TEKT5: variants seen among roughly 807,000 people sequenced by gnomAD.
TEKT5 encodes tektin-5.
A neutral mutation model predicts 48.7 loss-of-function variants in TEKT5; 52 were observed. The observed-to-expected ratio is 1.07, with a 90% CI of 0.86 to 1.35. The LOEUF is 1.35. Ranked by LOEUF, TEKT5 falls within the 40% of genes most tolerant of loss-of-function variation. The pLI is 0.00. For synonymous variants in TEKT5, 318 were observed against 267.6 expected, an observed-to-expected ratio of 1.19 and a Z score of -1.84; for missense variants, 831 against 641.6, an observed-to-expected ratio of 1.30 and a Z score of -3.19.
chr16:10,682,217 C>T, intron 3 of TEKT5, 81 bp from the exon 4 acceptor site: 2 of 1,522,690 alleles, frequency 1.3e-6, no homozygotes, highest in Admixed American at 3.7e-5. Context: ...GTGTGTGTTG[C>T]AAGCCCTGGA....
chr16:10,688,233 A>AC (rs1223849350), intron 3 of TEKT5, among the ~76,000 whole-genome samples: 3 of 151,900 alleles, frequency 2.0e-5, no homozygotes, highest in African/African-American at 7.3e-5. Context: ...GTACACCTCC[A>AC]CCCCGATGTC....
intron 4 of TEKT5, among the ~76,000 whole-genome samples, chr16:10,676,591 C>T (rs1443581127): frequency 6.6e-6 from 1 of 152,142 alleles, no homozygotes; most frequent in Non-Finnish European, 1.5e-5. Context: ...ACACCCACAC[C>T]ACCACCACCA....
At position 10,676,114 on chromosome 16, in the gene TEKT5, C is replaced by G. The variant is rs1451582410; in HGVS notation, c.931G>C (p.Ala311Pro). Reference protein sequence around the residue: ...DNIKHSQNMRANSIQLREEAE... With the variant: ...DNIKHSQNMRPNSIQLREEAE... ...TCCTCCCGCAGCTGGATGGAGTTGG[C>G]CCGCATGTTCTGAGAGTGTTTGATG... The change falls in exon 5 of 7, where the codon GCC (alanine) becomes CCC (proline). Residue 311 changes from alanine to proline, a missense_variant. Physicochemically the swap from Ala to Pro is conservative, Grantham distance 27 (BLOSUM62 -1). Coordinates refer to ENST00000283025, the MANE Select transcript of TEKT5 (RefSeq NM_144674.2). The G allele has an allele frequency of 6.2e-7, 1 of 1,614,194 alleles. No individual in the cohort carries two copies. The highest frequency in any genetic ancestry group is 8.5e-7 in the Non-Finnish European group (1 of 1,180,034).
chr16:10,645,169 G>A (rs1364278509), intron 5 of TEKT5, among the ~76,000 whole-genome samples: 1 of 152,138 alleles, frequency 6.6e-6, no homozygotes, highest in Non-Finnish European at 1.5e-5. Context: ...ATGAATGCAA[G>A]GAGGCAAGCC....
At chr16:10,677,265 A>C (rs1898663689) in intron 4 of TEKT5, among the ~76,000 whole-genome samples, 1 of 98,742 alleles carries the variant, frequency 1.0e-5, no homozygotes, top group Non-Finnish European at 1.9e-5. Flanking sequence ...AGGGTTGTAA[A>C]CGGGAATAGA....
intron 4 of TEKT5, among the ~76,000 whole-genome samples, chr16:10,676,560 C>T (rs1044554467): frequency 2.0e-5 from 3 of 152,088 alleles, no homozygotes; most frequent in Non-Finnish European, 4.4e-5. Context: ...GAGGGGCTCC[C>T]GCAGAGAGCT....
Position 10,673,793 on chromosome 16 carries a change from G to C in TEKT5, c.1086+2166C>G, listed in dbSNP as rs145992344. On this transcript the variant is annotated intron_variant, in intron 5 of 6. Transcript: ENST00000283025. Reference sequence around the variant, plus strand: ...AGCCTCCCGAGTAGCTGGAATTACAGGTGCATGCCACTATGCCCAGCTGAT... The same window carrying C: ...AGCCTCCCGAGTAGCTGGAATTACACGTGCATGCCACTATGCCCAGCTGAT... Among the ~76,000 whole-genome samples the C allele has an allele frequency of 3.5e-4, 53 of 151,832 alleles. 1 individual carries two copies. In the East Asian group the frequency reaches 8.3e-3, roughly 24 times the overall value.
intron 5 of TEKT5, among the ~76,000 whole-genome samples, chr16:10,655,699 T>C (rs964487049): frequency 1.3e-5 from 2 of 152,208 alleles, no homozygotes; most frequent in Non-Finnish European, 2.9e-5. Context: ...GGGGTGGTTG[T>C]ACCCTTCTCT....
chr16:10,680,366 C>T (rs1223042086), intron 4 of TEKT5, among the ~76,000 whole-genome samples: 1 of 152,110 alleles, frequency 6.6e-6, no homozygotes, highest in Non-Finnish European at 1.5e-5. Flanking sequence ...TGTGGTTCTT[C>T]TTTCCCTCCC....
Position 10,694,347 on chromosome 16 carries a change from A to C in TEKT5, c.527T>G (p.Leu176Arg). 1 of 1,611,588 alleles carries C rather than the reference A, an allele frequency of 6.2e-7. No individual in the cohort carries two copies. Among genetic ancestry groups the C allele is most frequent in the Middle Eastern group, 1.7e-4 (1 of 6,044 alleles). Reference protein sequence around the residue: ...NQNLETVKRRLECAANEVNCP... With the variant: ...NQNLETVKRRRECAANEVNCP... ...GTTCACCTCATTGGCCGCGCACTCC[A>C]GCCGCCTCTTGACCGTCTCCAAGTT... Residue 176 changes from leucine (L) to arginine (R), a missense_variant, in exon 1 of 7, where the codon CTG becomes CGG. Leu to Arg is a moderately radical substitution (Grantham distance 102). Transcript: ENST00000283025.
intron 5 of TEKT5, among the ~76,000 whole-genome samples, chr16:10,671,354 G>A (rs1462700716): frequency 6.6e-6 from 1 of 152,186 alleles, no homozygotes; most frequent in Non-Finnish European, 1.5e-5. Context: ...ATTAAAAGAA[G>A]ATGCACAAGA....
At chr16:10,635,703 A>T (rs2142258809) in intron 6 of TEKT5, 61 bp downstream of exon 6, 1 of 1,575,250 alleles carries the variant, frequency 6.3e-7, no homozygotes, top group South Asian at 1.2e-5. Flanking sequence ...CCTGAGACTC[A>T]CCCCTTCCCG....
chr16:10,652,284 C>T (rs1335801403), intron 5 of TEKT5, among the ~76,000 whole-genome samples: 3 of 152,110 alleles, frequency 2.0e-5, no homozygotes, highest in Non-Finnish European at 4.4e-5. Flanking sequence ...ATGCCCAGCT[C>T]TTCCCACAGT....
In TEKT5 at chr16:10,681,835, G is replaced by A. The variant is rs181549391; in HGVS notation, c.863+158C>T. Among the ~76,000 whole-genome samples the A allele has an allele frequency of 2.1e-3, 313 of 152,108 alleles. 1 individual carries two copies. The highest frequency in any genetic ancestry group is 7.0e-3 in the African/African-American group (291 of 41,494). On this transcript the variant is annotated intron_variant, in intron 4 of 6. Transcript: ENST00000283025. Reference sequence around the variant, plus strand: ...ATTCCATCTTGTCTTAAGCTAACCCGACTTGGATTCTGCCGCCTGCGCTAG... The same window carrying A: ...ATTCCATCTTGTCTTAAGCTAACCCAACTTGGATTCTGCCGCCTGCGCTAG...
At chr16:10,676,921 T>G (rs912873745) in intron 4 of TEKT5, among the ~76,000 whole-genome samples, 2 of 142,520 alleles carry the variant, frequency 1.4e-5, no homozygotes, top group African/African-American at 5.4e-5. Flanking sequence ...GGGCCAGCCA[T>G]GCCTCTAATC....
rs992945702 is a variant in TEKT5, at chr16:10,678,218, C to T, written c.864-2037G>A. On this transcript the variant is annotated intron_variant, in intron 4 of 6. Transcript: ENST00000283025. ...CGTTCAAGCAATTCTCCTGCCTCAG[C>T]CTCCCATGTAGCTGGGACTACAGGC... 2.0e-5 allele frequency among the ~76,000 whole-genome samples: 3 copies of T among 152,268 alleles called. No individual in the cohort carries two copies. In the South Asian group the frequency reaches 6.2e-4, roughly 32 times the overall value.
chr16:10,673,000 C>A (rs150453633), intron 5 of TEKT5, among the ~76,000 whole-genome samples: 1 of 152,104 alleles, frequency 6.6e-6, no homozygotes, highest in African/African-American at 2.4e-5. Flanking sequence ...TAATTCCTAT[C>A]CTCATTCTAC....
At chr16:10,662,068 G>C (rs1898381981) in intron 5 of TEKT5, among the ~76,000 whole-genome samples, 2 of 152,036 alleles carry the variant, frequency 1.3e-5, no homozygotes, top group African/African-American at 4.8e-5. Context: ...AGCAGATCAG[G>C]GTTTCTTAGC....
intron 3 of TEKT5, among the ~76,000 whole-genome samples, chr16:10,684,907 G>A (rs11640499): frequency 0.14 from 20,900 of 152,210 alleles, 1,564 homozygotes; most frequent in Non-Finnish European, 0.18. Context: ...CGGGCCTCAG[G>A]CTTCGCAGAA....
Sources: allele counts gnomAD v4.1 joint callset (sites outside exome capture counted in the v4.1 genomes callset), GRCh38; gene constraint gnomAD v4.1.1; transcripts MANE v1.5; gene names NCBI Gene and HGNC (gene_info 2026-07-23, HGNC 2026-07-21).